The following NRG3 variants were observed in gnomAD, a reference collection of about 807,000 sequenced individuals.
NRG3 encodes the protein neuregulin 3.
Under a neutral mutation model 66.9 loss-of-function variants are expected in NRG3, and 31 were observed. That is an observed-to-expected ratio of 0.46 (90% CI 0.35 to 0.63). The LOEUF is 0.63. Among genes scored for constraint, NRG3 ranks in the 20% least tolerant of loss-of-function variants. The pLI is 0.00. For synonymous variants in NRG3, 393 were observed against 359.4 expected (o/e 1.09, Z -1.06); for missense variants, 910 against 878.9 (o/e 1.04, Z -0.45).
rs578068719 is a variant in NRG3 at position 82,002,736 on chromosome 10, T to G, written c.823+126573T>G. 5.9e-5 allele frequency among the ~76,000 whole-genome samples: 9 copies of G among 152,314 alleles called. No individual in the cohort carries two copies. The South Asian group carries it at 1.9e-3, about 32-fold the overall frequency. ...AATAGCTGTCATACAAATTCCTGCT[T>G]CTTATTGCCCCTTTTCCACTGTGCA... is the stretch of plus-strand genomic sequence containing the variant. On this transcript the variant is annotated intron_variant, in intron 1 of 8. Coordinates refer to ENST00000372141, the MANE Select transcript of NRG3 (RefSeq NM_001010848.4).
chr10:82,414,684 G>A (rs563532377), intron 2 of NRG3, among the ~76,000 whole-genome samples: 55 of 152,240 alleles, frequency 3.6e-4, no homozygotes, highest in Admixed American at 3.5e-3. Context: ...AATAAATATG[G>A]TTATATCAAT....
At chr10:81,909,076 G>C (rs887713504) in intron 1 of NRG3, among the ~76,000 whole-genome samples, 1 of 152,176 alleles carries the variant, frequency 6.6e-6, no homozygotes, top group Admixed American at 6.5e-5. Context: ...CTCTCCCTCT[G>C]AAGGCTCTAG....
At chr10:82,043,572 G>T (rs769554916) in intron 1 of NRG3, among the ~76,000 whole-genome samples, 13 of 151,922 alleles carry the variant, frequency 8.6e-5, no homozygotes, top group Non-Finnish European at 1.3e-4. Context: ...TGTTTGGGTA[G>T]TGAATATATT....
At chr10:82,029,692 A>T (rs963138048) in intron 1 of NRG3, among the ~76,000 whole-genome samples, 1 of 152,124 alleles carries the variant, frequency 6.6e-6, no homozygotes, top group African/African-American at 2.4e-5. Flanking sequence ...GATGGACTTC[A>T]TTGAGAATGT....
At chr10:82,450,806 C>T (rs2090986998) in intron 2 of NRG3, among the ~76,000 whole-genome samples, 1 of 152,154 alleles carries the variant, frequency 6.6e-6, no homozygotes, top group African/African-American at 2.4e-5. Context: ...ACAAAAATTT[C>T]CATGTAATGG....
chr10:82,312,683 T>A (rs1203033615), intron 1 of NRG3, among the ~76,000 whole-genome samples: 1 of 152,122 alleles, frequency 6.6e-6, no homozygotes, highest in Non-Finnish European at 1.5e-5. Flanking sequence ...AATTGCCAAG[T>A]AGGGGCAAAA....
chr10:82,155,133 G>T (rs921724720), intron 1 of NRG3, among the ~76,000 whole-genome samples: 3 of 151,682 alleles, frequency 2.0e-5, no homozygotes, highest in Non-Finnish European at 4.4e-5. Context: ...GATACAAAAC[G>T]ATTTTATAAA....
chr10:82,928,728 C>A (rs928389802), intron 4 of NRG3, among the ~76,000 whole-genome samples: 1 of 151,326 alleles, frequency 6.6e-6, no homozygotes. Flanking sequence ...ACAATACAAA[C>A]AAATAGATGT....
intron 2 of NRG3, among the ~76,000 whole-genome samples, chr10:82,623,629 C>T (rs1171210934): frequency 6.6e-6 from 1 of 152,080 alleles, no homozygotes; most frequent in Non-Finnish European, 1.5e-5. Context: ...GACAGAAAAG[C>T]CTAGCACCTC....
intron 4 of NRG3, among the ~76,000 whole-genome samples, chr10:82,903,674 C>A (rs147446253): frequency 6.6e-6 from 1 of 152,154 alleles, no homozygotes; most frequent in East Asian, 1.9e-4. Context: ...ATTTGCTTTT[C>A]TCTAGCTTAT....
At chr10:82,975,412 T>G (rs1852158161) in intron 7 of NRG3, among the ~76,000 whole-genome samples, 1 of 152,190 alleles carries the variant, frequency 6.6e-6, no homozygotes. Context: ...GCTGCAATAT[T>G]CCTATCCCCA....
chr10:82,670,689 C>T (rs2053198369), intron 2 of NRG3, among the ~76,000 whole-genome samples: 1 of 151,938 alleles, frequency 6.6e-6, no homozygotes, highest in African/African-American at 2.4e-5. Flanking sequence ...TCCTGTGGAT[C>T]CTAAAGCTTA....
chr10:82,864,886 C>G (rs1463926631), intron 3 of NRG3, among the ~76,000 whole-genome samples: 1 of 152,080 alleles, frequency 6.6e-6, no homozygotes, highest in Non-Finnish European at 1.5e-5. Context: ...GTTTTCTCAT[C>G]TAAAAAGTGA....
At chr10:82,115,870 C>T in intron 1 of NRG3, among the ~76,000 whole-genome samples, 1 of 152,092 alleles carries the variant, frequency 6.6e-6, no homozygotes, top group East Asian at 1.9e-4. Context: ...AGGGGATGTT[C>T]TGCCTCATAC....
intron 1 of NRG3, among the ~76,000 whole-genome samples, chr10:82,191,554 A>G (rs148066754): frequency 3.2e-3 from 487 of 152,258 alleles, no homozygotes; most frequent in Non-Finnish European, 3.3e-3. Context: ...ATGACTTCCA[A>G]TCTTCTTATT....
intron 1 of NRG3, among the ~76,000 whole-genome samples, chr10:82,325,573 A>G (rs1589726902): frequency 6.6e-6 from 1 of 151,460 alleles, no homozygotes; most frequent in East Asian, 1.9e-4. Flanking sequence ...TGTAGGCAGC[A>G]TATAATTGGG....
intron 1 of NRG3, among the ~76,000 whole-genome samples, chr10:82,102,139 T>TATATATATATATGTGTGTATTC (rs2066790366): frequency 3.7e-5 from 1 of 27,392 alleles, no homozygotes; most frequent in East Asian, 7.1e-4. Flanking sequence ...TATTCATATA[T>TATATATATATATGTGTGTATTC]ATATATATAT....
intron 1 of NRG3, among the ~76,000 whole-genome samples, chr10:81,987,735 A>G (rs1429866166): frequency 6.6e-6 from 1 of 152,240 alleles, no homozygotes; most frequent in East Asian, 1.9e-4. Context: ...GCTACTAATA[A>G]TAAGCTCTTT....
intron 3 of NRG3, among the ~76,000 whole-genome samples, chr10:82,803,561 CT>C: frequency 6.6e-6 from 1 of 151,092 alleles, no homozygotes; most frequent in East Asian, 2.0e-4. Flanking sequence ...GTTTCTTTTT[CT>C]TTCATTCATT....
Sources: gnomAD v4.1 joint callset for allele counts (sites outside exome capture counted in the v4.1 genomes callset) on GRCh38, gnomAD v4.1.1 for gene constraint, MANE v1.5 for transcripts, NCBI Gene and HGNC (gene_info 2026-07-23, HGNC 2026-07-21) for gene names.